Variants in EML6 observed in about 807,000 individuals in gnomAD.
EML6 encodes the protein EMAP like 6.
EML6 carries 154 observed loss-of-function variants against 240.1 expected under a neutral mutation model. The ratio of observed to expected loss-of-function variants is 0.64; its 90% CI spans 0.56 to 0.73. EML6 has a LOEUF of 0.73. EML6 is among the 30% of genes least tolerant of loss of function. EML6 has a pLI of 0.00. For missense variants in EML6, 2,964 were observed against 2,474.6 expected (o/e 1.20, Z -4.20); for synonymous variants, 1,148 against 899.0 (o/e 1.28, Z -4.95).
chr2:54,896,607 T>A (rs1672783026), intron 21 of EML6, among the ~76,000 whole-genome samples: 1 of 152,048 alleles, frequency 6.6e-6, no homozygotes, highest in Non-Finnish European at 1.5e-5. Flanking sequence ...GTTCAGAAGT[T>A]GGAGAGAAAA....
At chr2:54,966,940 A>G in intron 38 of EML6, 60 bp from the exon 39 acceptor site, 2 of 1,122,530 alleles carry the variant, frequency 1.8e-6, no homozygotes, top group Non-Finnish European at 2.6e-6. Context: ...ACTGTGCCCA[A>G]AGGGAGTCTG....
intron 5 of EML6, 95 bp from the exon 6 acceptor site, chr2:54,827,471 C>A: frequency 9.8e-7 from 1 of 1,023,098 alleles, no homozygotes; most frequent in Non-Finnish European, 1.4e-6. Context: ...TTGGATAGAG[C>A]ACATTATGTG....
chr2:54,739,341 C>T (rs1380788783), intron 2 of EML6, among the ~76,000 whole-genome samples: 1 of 152,130 alleles, frequency 6.6e-6, no homozygotes, highest in Non-Finnish European at 1.5e-5. Flanking sequence ...GTCACAAGGT[C>T]GCAGGTGCTG....
At chr2:54,753,820 C>T (rs1321829792) in intron 2 of EML6, among the ~76,000 whole-genome samples, 5 of 151,872 alleles carry the variant, frequency 3.3e-5, no homozygotes, top group Non-Finnish European at 7.4e-5. Flanking sequence ...TACAGGTGCA[C>T]ATCACCATGT....
At chr2:54,947,596 AACAAAGTATCCATTGT>A (rs1422033988) in intron 28 of EML6, among the ~76,000 whole-genome samples, 1 of 152,110 alleles carries the variant, frequency 6.6e-6, no homozygotes, top group African/African-American at 2.4e-5. Context: ...TTGATTTGGA[AACAAAGTATCCATTGT>A]ACATAACTCC....
At chr2:54,923,595 C>G (rs534488750) in intron 26 of EML6, among the ~76,000 whole-genome samples, 19 of 152,244 alleles carry the variant, frequency 1.2e-4, no homozygotes, top group African/African-American at 3.9e-4. Context: ...TTTCATCATG[C>G]ATATTACTAT....
At chr2:54,882,012 C>T (rs895181260) in intron 17 of EML6, 1 of 152,178 alleles carries the variant, frequency 6.6e-6, no homozygotes, top group Admixed American at 6.5e-5. Context: ...TGACGTGTGC[C>T]AGCTGTGCAA....
intron 7 of EML6, among the ~76,000 whole-genome samples, chr2:54,831,025 A>G (rs1572966762): frequency 6.6e-6 from 1 of 152,342 alleles, no homozygotes; most frequent in East Asian, 1.9e-4. Flanking sequence ...TGATCCGGAA[A>G]AAACATGCCA....
At chr2:54,935,093 A>G (rs1315293768) in intron 28 of EML6, among the ~76,000 whole-genome samples, 1 of 152,170 alleles carries the variant, frequency 6.6e-6, no homozygotes, top group Admixed American at 6.5e-5. Flanking sequence ...ACAAATTTTC[A>G]TTAATGGTTT....
chr2:54,961,543 A>T (rs62134813), intron 35 of EML6, among the ~76,000 whole-genome samples: 85,241 of 151,590 alleles, frequency 0.56, 26,516 homozygotes, highest in Middle Eastern at 0.71. Flanking sequence ...TGAGCTGTCC[A>T]AGAACAGGAG....
At position 54,969,036 on chromosome 2, in the gene EML6, G is replaced by A. The variant is rs990856714; in HGVS notation, c.5852+268G>A. On this transcript the variant is annotated intron_variant, in intron 41 of 41. Coordinates refer to ENST00000356458, the MANE Select transcript of EML6 (RefSeq NM_001039753.4). ...ATAGCTACTCTGGGCACTGCTGGGG[G>A]AAAGGGACAGGTGGATGACACCCGA... Among the ~76,000 whole-genome samples the A allele has an allele frequency of 3.0e-4, 46 of 152,200 alleles. 1 individual carries two copies. Among genetic ancestry groups the A allele is most frequent in the African/African-American group, 1.1e-3 (46 of 41,440 alleles).
At chr2:54,749,901 A>T (rs1050629914) in intron 2 of EML6, among the ~76,000 whole-genome samples, 62 of 152,252 alleles carry the variant, frequency 4.1e-4, no homozygotes, top group Admixed American at 3.5e-3. Flanking sequence ...TGAATTTAAC[A>T]TGAACTCCCA....
intron 2 of EML6, among the ~76,000 whole-genome samples, chr2:54,795,531 G>GA (rs1476208778): frequency 6.6e-6 from 1 of 152,176 alleles, no homozygotes; most frequent in African/African-American, 2.4e-5. Flanking sequence ...GGGAAGAGGG[G>GA]AAGGAGGAGG....
intron 21 of EML6, among the ~76,000 whole-genome samples, chr2:54,897,615 G>T (rs1179702496): frequency 1.3e-5 from 2 of 152,138 alleles, no homozygotes; most frequent in African/African-American, 2.4e-5. Context: ...GAGCTATGGG[G>T]TGGCTGGTTG....
At chr2:54,814,281 G>A (rs1572940835) in intron 3 of EML6, among the ~76,000 whole-genome samples, 1 of 152,286 alleles carries the variant, frequency 6.6e-6, no homozygotes, top group Non-Finnish European at 1.5e-5. Context: ...GAAGTGTCCT[G>A]CTCACCCTTT....
At chr2:54,847,748 T>C in intron 9 of EML6, 125 bp downstream of exon 9, 1 of 927,214 alleles carries the variant, frequency 1.1e-6, no homozygotes, top group East Asian at 3.0e-5. Context: ...AGGAATACTA[T>C]AGATCTACGA....
At chr2:54,855,668 CA>C in intron 11 of EML6, among the ~76,000 whole-genome samples, 1 of 152,226 alleles carries the variant, frequency 6.6e-6, no homozygotes, top group South Asian at 2.1e-4. Flanking sequence ...TGAGAAGTAG[CA>C]AAACCCACCT....
chr2:54,934,354 C>T (rs947889847), intron 28 of EML6, among the ~76,000 whole-genome samples: 3 of 152,024 alleles, frequency 2.0e-5, no homozygotes, highest in Non-Finnish European at 2.9e-5. Flanking sequence ...CCTCCCTTGA[C>T]GAGAGACTGG....
Position 54,844,075 on chromosome 2 carries a change from A to G in EML6, c.876A>G (p.Lys292=), listed in dbSNP as rs1669619603. Residue 292 remains lysine (K), a synonymous_variant, in exon 8 of 42, where the codon AAA becomes AAG. Transcript: ENST00000356458. The part of the protein sequence containing the change: ...KGLSIRSVCW[K]ADRLLAGTQD... ...TCTCTATCCGGAGCGTGTGCTGGAA[A>G]GCAGACCGCCTTCTAGCAGGGACCC... The G allele has an allele frequency of 6.4e-7, 1 of 1,551,024 alleles. No homozygotes were observed. The highest frequency in any genetic ancestry group is 1.2e-5 in the South Asian group (1 of 84,032).
Sources: allele counts gnomAD v4.1 joint callset (sites outside exome capture counted in the v4.1 genomes callset), GRCh38; gene constraint gnomAD v4.1.1; transcripts MANE v1.5; gene names NCBI Gene and HGNC (gene_info 2026-07-23, HGNC 2026-07-21).